NUP93: variants seen among roughly 807,000 people sequenced by gnomAD.
NUP93 encodes the protein nuclear pore complex protein Nup93.
A neutral mutation model predicts 107.8 loss-of-function variants in NUP93; 55 were observed. The observed-to-expected ratio is 0.51, with a 90% CI of 0.41 to 0.64. The LOEUF is 0.64. Among genes scored for constraint, NUP93 ranks in the 30% least tolerant of loss-of-function variants. The pLI is 0.00. For missense variants in NUP93, 937 were observed against 1,044.7 expected, an observed-to-expected ratio of 0.90 and a Z score of 1.42; for synonymous variants, 390 against 397.5, an observed-to-expected ratio of 0.98 and a Z score of 0.22.
chr16:56,811,622 C>T (rs181545142), intron 5 of NUP93, among the ~76,000 whole-genome samples: 96 of 152,192 alleles, frequency 6.3e-4, no homozygotes, highest in Admixed American at 5.8e-3. Flanking sequence ...AGGCATGTGC[C>T]ACCATGCCTG....
chr16:56,739,512 C>T (rs1597099792), intron 1 of NUP93, among the ~76,000 whole-genome samples: 2 of 109,372 alleles, frequency 1.8e-5, no homozygotes, highest in African/African-American at 3.7e-5. Context: ...GGCGGCTGGC[C>T]GGGCGGGGGG....
chr16:56,774,270 C>T (rs1161858670), intron 3 of NUP93, among the ~76,000 whole-genome samples: 2 of 152,192 alleles, frequency 1.3e-5, no homozygotes, highest in Admixed American at 1.3e-4. Flanking sequence ...TCTGGTCTCT[C>T]AGCAGATTAA....
intron 21 of NUP93, 101 bp downstream of exon 21, chr16:56,841,934 C>T (rs1596867618): frequency 7.1e-7 from 1 of 1,401,052 alleles, no homozygotes; most frequent in South Asian, 1.4e-5. Context: ...ACTGCTCTTT[C>T]TCCTCAGTAC....
intron 3 of NUP93, among the ~76,000 whole-genome samples, chr16:56,788,635 C>T (rs1326220001): frequency 6.6e-6 from 1 of 152,176 alleles, no homozygotes; most frequent in African/African-American, 2.4e-5. Context: ...ACAGAAATGC[C>T]CCAGGGCCCC....
chr16:56,773,252 C>T (rs764640754), intron 3 of NUP93, among the ~76,000 whole-genome samples: 6 of 152,188 alleles, frequency 3.9e-5, no homozygotes, highest in African/African-American at 1.2e-4. Context: ...TCTTGTGTTT[C>T]GGAAATGAAG....
At chr16:56,759,822 C>T (rs1962091176) in intron 3 of NUP93, among the ~76,000 whole-genome samples, 1 of 151,998 alleles carries the variant, frequency 6.6e-6, no homozygotes, top group Non-Finnish European at 1.5e-5. Flanking sequence ...AGAAATGGCA[C>T]CTGCTGAAAG....
At chr16:56,841,985 GAAATC>G in intron 21 of NUP93, 152 bp downstream of exon 21, 1 of 870,324 alleles carries the variant, frequency 1.1e-6, no homozygotes, top group East Asian at 2.8e-5. Flanking sequence ...GCTCCCAGAG[GAAATC>G]AAATATTAAA....
intron 5 of NUP93, among the ~76,000 whole-genome samples, chr16:56,816,363 G>A (rs1162096609): frequency 6.6e-6 from 1 of 152,148 alleles, no homozygotes; most frequent in Non-Finnish European, 1.5e-5. Flanking sequence ...AGCTTGAATA[G>A]GGGTATATAT....
chr16:56,816,846 A>G (rs1479071602), intron 5 of NUP93, among the ~76,000 whole-genome samples: 4 of 152,192 alleles, frequency 2.6e-5, no homozygotes, highest in Non-Finnish European at 5.9e-5. Context: ...TTTAAACCGC[A>G]GACACCAGCA....
rs1395125094 is a variant in NUP93, at chr16:56,845,570, C to T, written c.*961C>T. The T allele has an allele frequency of 6.6e-6, 1 of 152,278 alleles. No individual in the cohort carries two copies. The highest frequency in any genetic ancestry group is 1.5e-5 in the Non-Finnish European group (1 of 68,094). 9.4% of individuals were successfully genotyped at this position (152,278 alleles called of 1,614,324 possible). ...GTCACCCATCATTTGCTCTGTTTCC[C>T]CCACCATCAGTCCCAAAGCCCTAGA... On this transcript the variant is annotated 3_prime_UTR_variant, in exon 22 of 22. Coordinates refer to ENST00000308159, the MANE Select transcript of NUP93 (RefSeq NM_014669.5).
chr16:56,830,980 A>G (rs1407029065), intron 10 of NUP93, among the ~76,000 whole-genome samples: 1 of 152,198 alleles, frequency 6.6e-6, no homozygotes, highest in African/African-American at 2.4e-5. Flanking sequence ...TGTAAATCTA[A>G]GGCACATCAA....
intron 1 of NUP93, among the ~76,000 whole-genome samples, chr16:56,745,016 T>G (rs752793410): frequency 6.6e-6 from 1 of 152,168 alleles, no homozygotes; most frequent in Non-Finnish European, 1.5e-5. Context: ...TGTAGAAGCT[T>G]GGGTACGTCA....
chr16:56,837,352 C>T (rs1422228248), intron 17 of NUP93, among the ~76,000 whole-genome samples: 1 of 152,168 alleles, frequency 6.6e-6, no homozygotes, highest in Non-Finnish European at 1.5e-5. Flanking sequence ...CACTTGAGGC[C>T]AGGAGTTCGA....
chr16:56,781,440 A>T (rs1962512466), intron 3 of NUP93, among the ~76,000 whole-genome samples: 1 of 152,198 alleles, frequency 6.6e-6, no homozygotes, highest in Non-Finnish European at 1.5e-5. Flanking sequence ...TTGTATCTAC[A>T]CATACTGTAG....
intron 8 of NUP93, among the ~76,000 whole-genome samples, chr16:56,828,214 A>AGATCATTG (rs3028920): frequency 7.4e-6 from 1 of 134,400 alleles, no homozygotes; most frequent in Non-Finnish European, 1.6e-5. Flanking sequence ...AAAAAAAAAA[A>AGATCATTG]GATCATTGTC....
intron 3 of NUP93, among the ~76,000 whole-genome samples, chr16:56,777,802 A>G (rs1896768634): frequency 6.6e-6 from 1 of 152,248 alleles, no homozygotes; most frequent in African/African-American, 2.4e-5. Context: ...GAACCGCCTT[A>G]GTATGTTACC....
In NUP93 at chr16:56,834,428, A is replaced by T; in HGVS notation, c.1723A>T (p.Ile575Phe). The T allele has an allele frequency of 6.2e-7, 1 of 1,614,214 alleles. No individual in the cohort carries two copies. Residue 575 changes from isoleucine to phenylalanine, a missense_variant, in exon 15 of 22, where the codon ATT becomes TTT. Transcript: ENST00000308159. ...TCTGCGCTGTGTGAGTGAGCTTGTG[A>T]TTGAAAGCCGAGAGGTGAGTGGGTT... ...MFLRCVSELVIESREFDMILG... is the reference protein window; with the variant it reads ...MFLRCVSELVFESREFDMILG...
intron 10 of NUP93, 89 bp downstream of exon 10, chr16:56,830,774 G>T: frequency 8.0e-7 from 1 of 1,250,226 alleles, no homozygotes; most frequent in Non-Finnish European, 1.1e-6. Context: ...TCCCTGGACG[G>T]GCCCAAAACA....
At chr16:56,751,476 C>T (rs1308094844) in intron 2 of NUP93, among the ~76,000 whole-genome samples, 1 of 152,154 alleles carries the variant, frequency 6.6e-6, no homozygotes, top group South Asian at 2.1e-4. Flanking sequence ...TGAGGAAAGT[C>T]AAATAGTGAG....
Sources: allele counts gnomAD v4.1 joint callset (sites outside exome capture counted in the v4.1 genomes callset), GRCh38; gene constraint gnomAD v4.1.1; transcripts MANE v1.5; gene names NCBI Gene and HGNC (gene_info 2026-07-23, HGNC 2026-07-21).